The following NTNG1 variants were observed in gnomAD, a reference collection of about 807,000 sequenced individuals.
NTNG1 encodes netrin-G1.
NTNG1 carries 16 observed loss-of-function variants against 54.0 expected under a neutral mutation model. The ratio of observed to expected loss-of-function variants is 0.30; its 90% confidence interval spans 0.20 to 0.45. The LOEUF is 0.45. Among genes scored for constraint, NTNG1 ranks in the 20% least tolerant of loss-of-function variants. The probability of loss-of-function intolerance (pLI) is 1.00; values close to 1 mark genes in which losing one functional copy is unlikely to be tolerated. For missense variants in NTNG1, 530 were observed against 678.7 expected, an observed-to-expected ratio of 0.78 and a Z score of 2.43; for synonymous variants, 255 against 263.1, an observed-to-expected ratio of 0.97 and a Z score of 0.30.
intron 3 of NTNG1, among the ~76,000 whole-genome samples, chr1:107,352,155 T>C (rs906238252): frequency 6.6e-6 from 1 of 152,202 alleles, no homozygotes; most frequent in Non-Finnish European, 1.5e-5. Flanking sequence ...GAGCAAGCTG[T>C]TGGTGTATCT....
chr1:107,195,068 G>T (rs1368732306), intron 2 of NTNG1, among the ~76,000 whole-genome samples: 1 of 151,928 alleles, frequency 6.6e-6, no homozygotes, highest in Non-Finnish European at 1.5e-5. Context: ...TGTTTTCCCT[G>T]CATGCTTAGG....
chr1:107,341,619 T>C (rs1238733529), intron 3 of NTNG1, among the ~76,000 whole-genome samples: 1 of 152,050 alleles, frequency 6.6e-6, no homozygotes, highest in Non-Finnish European at 1.5e-5. Flanking sequence ...AAAATCATGC[T>C]TATAAAAGAT....
intron 7 of NTNG1, among the ~76,000 whole-genome samples, chr1:107,456,380 G>A (rs1376165445): frequency 2.0e-5 from 3 of 152,166 alleles, no homozygotes; most frequent in Admixed American, 1.3e-4. Context: ...ATCTTTTGAA[G>A]AGAGAGTGGG....
intron 2 of NTNG1, among the ~76,000 whole-genome samples, chr1:107,152,047 TACATATATAC>T (rs980755262): frequency 7.3e-5 from 11 of 151,520 alleles, no homozygotes; most frequent in Admixed American, 3.3e-4. Flanking sequence ...CATATATACA[TACATATATAC>T]ACATATATAC....
At chr1:107,296,040 G>GATCCTCTTAA (rs1283627345) in intron 2 of NTNG1, among the ~76,000 whole-genome samples, 2 of 152,046 alleles carry the variant, frequency 1.3e-5, no homozygotes, top group African/African-American at 4.8e-5. Context: ...TGCCTCAGTT[G>GATCCTCTTAA]ATCCTCTTAA....
At chr1:107,319,312 C>G (rs1667507655) in intron 2 of NTNG1, among the ~76,000 whole-genome samples, 1 of 152,064 alleles carries the variant, frequency 6.6e-6, no homozygotes, top group East Asian at 1.9e-4. Context: ...GGGAGTCCCT[C>G]CACCAAAAAT....
chr1:107,413,414 T>A (rs1233746430), intron 5 of NTNG1, among the ~76,000 whole-genome samples: 1 of 152,082 alleles, frequency 6.6e-6, no homozygotes, highest in Non-Finnish European at 1.5e-5. Context: ...GCATCAATAA[T>A]GCTATTTCCA....
At chr1:107,441,743 A>G (rs1270332206) in intron 7 of NTNG1, among the ~76,000 whole-genome samples, 2 of 152,140 alleles carry the variant, frequency 1.3e-5, no homozygotes, top group African/African-American at 2.4e-5. Flanking sequence ...TGTGCTTATC[A>G]TAATAATAAT....
At chr1:107,241,269 A>G (rs774665468) in intron 2 of NTNG1, among the ~76,000 whole-genome samples, 19 of 152,206 alleles carry the variant, frequency 1.2e-4, no homozygotes, top group Non-Finnish European at 2.4e-4. Flanking sequence ...AAAACCAGAA[A>G]TCAAATGCAA....
intron 5 of NTNG1, among the ~76,000 whole-genome samples, chr1:107,427,072 T>C (rs1239899435): frequency 6.6e-6 from 1 of 152,046 alleles, no homozygotes. Context: ...CAGTCTAGGA[T>C]TCTCCTACAG....
rs535093638 is a variant in NTNG1 at position 107,161,505 on chromosome 1, A to G, written c.246+12666A>G. ...GCAAAACCCCATCTCTACTAAAAAT[A>G]CAAAAATTGGCCAGGTGTAATGGTG... is the stretch of plus-strand genomic sequence containing the variant. On this transcript the variant is annotated intron_variant, in intron 2 of 7. Transcript: ENST00000370068. Among the ~76,000 whole-genome samples the G allele has an allele frequency of 2.0e-5, 3 of 152,102 alleles. No individual in the cohort carries two copies. The South Asian group carries it at 6.2e-4, about 32-fold the overall frequency.
At chr1:107,360,657 A>G (rs528945238) in intron 3 of NTNG1, among the ~76,000 whole-genome samples, 1 of 152,364 alleles carries the variant, frequency 6.6e-6, no homozygotes, top group South Asian at 2.1e-4. Context: ...TGCAAAGTCA[A>G]GTAATGCCTG....
At chr1:107,232,066 T>C (rs1353793468) in intron 2 of NTNG1, among the ~76,000 whole-genome samples, 1 of 152,212 alleles carries the variant, frequency 6.6e-6, no homozygotes, top group Non-Finnish European at 1.5e-5. Context: ...GATCAAATTC[T>C]AAGGTTAGCC....
chr1:107,271,580 C>T (rs1002439590), intron 2 of NTNG1, among the ~76,000 whole-genome samples: 4 of 152,096 alleles, frequency 2.6e-5, no homozygotes, highest in African/African-American at 7.2e-5. Flanking sequence ...AAAATAGCTT[C>T]GTTACAATAA....
intron 2 of NTNG1, among the ~76,000 whole-genome samples, chr1:107,178,354 T>C (rs1183682898): frequency 6.6e-6 from 1 of 152,170 alleles, no homozygotes; most frequent in Admixed American, 6.5e-5. Context: ...AAGTAACTCC[T>C]ATCTTTCTTG....
intron 2 of NTNG1, among the ~76,000 whole-genome samples, chr1:107,233,951 C>T (rs774862016): frequency 1.3e-5 from 2 of 152,092 alleles, no homozygotes; most frequent in Admixed American, 6.6e-5. Flanking sequence ...GATCGAGGGG[C>T]GGATAATTAG....
intron 3 of NTNG1, among the ~76,000 whole-genome samples, 179 bp from the exon 4 acceptor site, chr1:107,394,975 C>A (rs3762369): frequency 6.6e-6 from 1 of 152,068 alleles, no homozygotes; most frequent in Non-Finnish European, 1.5e-5. Context: ...AACCCTGCCC[C>A]CTGCAAACGG....
chr1:107,430,628 A>G (rs202159719), intron 5 of NTNG1, 122 bp from the exon 6 acceptor site: 146 of 977,772 alleles, frequency 1.5e-4, no homozygotes, highest in Non-Finnish European at 2.3e-4. Flanking sequence ...GTTGTGTTGA[A>G]TCACATATAT....
intron 2 of NTNG1, among the ~76,000 whole-genome samples, chr1:107,242,088 G>A (rs1459713905): frequency 1.3e-5 from 2 of 152,024 alleles, no homozygotes; most frequent in African/African-American, 2.4e-5. Flanking sequence ...CCACCTGGAC[G>A]TCATAGCAAA....
Sources: gnomAD v4.1 joint callset for allele counts (sites outside exome capture counted in the v4.1 genomes callset) on GRCh38, gnomAD v4.1.1 for gene constraint, MANE v1.5 for transcripts, NCBI Gene and HGNC (gene_info 2026-07-23, HGNC 2026-07-21) for gene names.